MSL2: variants seen among roughly 807,000 people sequenced by gnomAD.
MSL2 encodes MSL complex subunit 2.
In MSL2, 2 loss-of-function variants were observed where a neutral mutation model predicts 35.8. The ratio of observed to expected loss-of-function variants is 0.06; its 90% CI spans 0.02 to 0.18. The LOEUF (loss-of-function observed/expected upper bound fraction) is 0.18, where lower values mean the gene tolerates loss of function less well. Ranked by LOEUF, MSL2 falls within the 10% of genes least tolerant of loss-of-function variation. The probability of loss-of-function intolerance (pLI) is 1.00; values close to 1 mark genes in which losing one functional copy is unlikely to be tolerated. For missense variants in MSL2, 523 were observed against 706.7 expected (o/e 0.74, Z 2.95); for synonymous variants, 296 against 255.7 (o/e 1.16, Z -1.50).
intron 1 of MSL2, among the ~76,000 whole-genome samples, chr3:136,180,742 AGAG>A (rs1294542957): frequency 8.2e-6 from 1 of 122,560 alleles, no homozygotes; most frequent in Non-Finnish European, 1.7e-5. Flanking sequence ...GAAGAGGAGG[AGAG>A]GAGGGAAGGA....
chr3:136,187,516 A>C (rs1940558464), intron 1 of MSL2, among the ~76,000 whole-genome samples: 1 of 152,030 alleles, frequency 6.6e-6, no homozygotes, highest in East Asian at 1.9e-4. Flanking sequence ...TACATGAAAA[A>C]AAAAATTAGC....
intron 1 of MSL2, among the ~76,000 whole-genome samples, chr3:136,179,384 T>C (rs1445500924): frequency 6.6e-6 from 1 of 152,144 alleles, no homozygotes; most frequent in Non-Finnish European, 1.5e-5. Context: ...GGTCTCACTA[T>C]ACTGCCCAAA....
intron 1 of MSL2, among the ~76,000 whole-genome samples, chr3:136,193,626 G>A (rs749372295): frequency 2.6e-5 from 4 of 151,754 alleles, no homozygotes; most frequent in Non-Finnish European, 4.4e-5. Flanking sequence ...AGAGTGAGAG[G>A]TTACCATGAA....
At chr3:136,190,738 C>G (rs1283211659) in intron 1 of MSL2, among the ~76,000 whole-genome samples, 1 of 152,114 alleles carries the variant, frequency 6.6e-6, no homozygotes. Flanking sequence ...TAGGCCAAAA[C>G]TTATCAAGTC....
At chr3:136,189,597 G>A (rs778509814) in intron 1 of MSL2, among the ~76,000 whole-genome samples, 2 of 151,098 alleles carry the variant, frequency 1.3e-5, no homozygotes, top group African/African-American at 4.9e-5. Flanking sequence ...GGTGGCGGGT[G>A]CCTGCAGTCC....
In MSL2 at chr3:136,149,072, C is replaced by T. The variant is rs1285067096; in HGVS notation, c.*2075G>A. 3 of 150,800 alleles carry T rather than the reference C, an allele frequency of 2.0e-5. No individual in the cohort carries two copies. Among genetic ancestry groups the T allele is most frequent in the African/African-American group, 7.4e-5 (3 of 40,746 alleles). The allele number at this position is 150,800 out of a possible 1,614,324, so 9.3% of individuals were successfully genotyped here. A position where few individuals can be genotyped will look rare whatever the true frequency, so the allele number is the denominator to read the frequency against. On this transcript the variant is annotated 3_prime_UTR_variant, in exon 2 of 2. Coordinates refer to ENST00000309993, the MANE Select transcript of MSL2 (RefSeq NM_018133.4). The stretch of plus-strand genomic sequence containing the variant: ...TATTACATAACAATCAAGGCCCTCA[C>T]ATACTAATGATTTCCACTTTGTCTA...
intron 1 of MSL2, chr3:136,153,138 G>T: frequency 1.2e-6 from 1 of 824,878 alleles, no homozygotes; most frequent in Non-Finnish European, 1.5e-6. Context: ...TATTCAGGAG[G>T]CTGAGGTGAT....
At chr3:136,158,908 ACTT>A (rs1281795626) in intron 1 of MSL2, among the ~76,000 whole-genome samples, 1 of 152,238 alleles carries the variant, frequency 6.6e-6, no homozygotes, top group East Asian at 1.9e-4. Flanking sequence ...TTTAACAAAG[ACTT>A]CTACACTCAG....
chr3:136,160,931 CA>C (rs1310181385), intron 1 of MSL2, among the ~76,000 whole-genome samples: 3 of 150,854 alleles, frequency 2.0e-5, no homozygotes, highest in Non-Finnish European at 4.4e-5. Flanking sequence ...TACTAAAATA[CA>C]AAAAATTAGC....
chr3:136,181,278 A>C (rs556725245), intron 1 of MSL2, among the ~76,000 whole-genome samples: 1 of 152,206 alleles, frequency 6.6e-6, no homozygotes, highest in South Asian at 2.1e-4. Context: ...CTAACCGTTG[A>C]TCTATTGAAT....
At chr3:136,162,215 C>A (rs1939726838) in intron 1 of MSL2, among the ~76,000 whole-genome samples, 1 of 150,026 alleles carries the variant, frequency 6.7e-6, no homozygotes, top group Non-Finnish European at 1.5e-5. Flanking sequence ...GGATTACAGG[C>A]ATGAGCCACA....
At chr3:136,177,601 C>CA (rs1940212741) in intron 1 of MSL2, among the ~76,000 whole-genome samples, 1 of 151,206 alleles carries the variant, frequency 6.6e-6, no homozygotes, top group South Asian at 2.1e-4. Context: ...ATGGCATGAA[C>CA]CCAGGAGGCA....
Position 136,168,756 on chromosome 3 carries a change from TA to T in MSL2, c.143-16019del, listed in dbSNP as rs76792710. Among the ~76,000 whole-genome samples the T allele has an allele frequency of 8.7e-3, 1,242 of 142,544 alleles. 18 individuals are homozygous for T. Among genetic ancestry groups the T allele is most frequent in the African/African-American group, 0.029 (1,122 of 39,162 alleles). 93.5% of individuals were successfully genotyped at this position (142,544 alleles called of 152,430 possible). A position where few individuals can be genotyped will look rare whatever the true frequency, so the allele number is the denominator to read the frequency against. On this transcript the variant is annotated intron_variant, in intron 1 of 1. Coordinates refer to ENST00000309993, the MANE Select transcript of MSL2 (RefSeq NM_018133.4). Reference sequence around the variant, plus strand: ...GTATCCCAGAACTTGAGTATAATAATAAAAAAAAAAAACTCACCAAAGTTTT... The same window carrying T: ...GTATCCCAGAACTTGAGTATAATAATAAAAAAAAAAACTCACCAAAGTTTT...
intron 1 of MSL2, among the ~76,000 whole-genome samples, chr3:136,184,809 C>T (rs1337727737): frequency 6.7e-6 from 1 of 150,368 alleles, no homozygotes; most frequent in Non-Finnish European, 1.5e-5. Flanking sequence ...GGACATACTC[C>T]TACCACCAAA....
chr3:136,176,676 T>C (rs1037905624), intron 1 of MSL2, among the ~76,000 whole-genome samples: 1 of 151,418 alleles, frequency 6.6e-6, no homozygotes, highest in Non-Finnish European at 1.5e-5. Context: ...AAAAAAAAAT[T>C]TAAAAATTAA....
At position 136,152,516 on chromosome 3, in the gene MSL2, GCTT is replaced by G; in HGVS notation, c.362_364del (p.Glu121del). On this transcript the variant is annotated inframe_deletion, in exon 2 of 2. Transcript: ENST00000309993. ...CAAAATATCAGAAGAACAGTCAACTGCTTCTATTATATCCCGTGCCAGTGTAGT... is the reference window on the plus strand; with the variant it reads ...CAAAATATCAGAAGAACAGTCAACTGCTATTATATCCCGTGCCAGTGTAGT... 1 of 1,614,190 alleles carries G rather than the reference GCTT, an allele frequency of 6.2e-7. No individual in the cohort carries two copies. Among genetic ancestry groups the G allele is most frequent in the East Asian group, 2.2e-5 (1 of 44,884 alleles).
At chr3:136,162,425 TAAA>T (rs1338325910) in intron 1 of MSL2, among the ~76,000 whole-genome samples, 1 of 150,950 alleles carries the variant, frequency 6.6e-6, no homozygotes, top group South Asian at 2.1e-4. Flanking sequence ...CTACAAAAAA[TAAA>T]AAAAATTAGC....
intron 1 of MSL2, among the ~76,000 whole-genome samples, chr3:136,153,886 T>C (rs1406570781): frequency 6.6e-6 from 1 of 151,298 alleles, no homozygotes; most frequent in Non-Finnish European, 1.5e-5. Flanking sequence ...ACTTTGAGAC[T>C]AGCCTGGCCA....
intron 1 of MSL2, among the ~76,000 whole-genome samples, chr3:136,167,959 T>C (rs983239478): frequency 2.6e-5 from 4 of 150,944 alleles, no homozygotes; most frequent in African/African-American, 7.3e-5. Flanking sequence ...GAGAACCACA[T>C]GAAACAAGAG....
Sources: gnomAD v4.1 joint callset for allele counts (sites outside exome capture counted in the v4.1 genomes callset) on GRCh38, gnomAD v4.1.1 for gene constraint, MANE v1.5 for transcripts, NCBI Gene and HGNC (gene_info 2026-07-23, HGNC 2026-07-21) for gene names.